The following MAMDC2 variants were observed in gnomAD, a reference collection of about 807,000 sequenced individuals.
MAMDC2 encodes the protein MAM domain-containing protein 2.
A neutral mutation model predicts 89.8 loss-of-function variants in MAMDC2; 57 were observed. The observed-to-expected ratio is 0.63, with a 90% CI of 0.51 to 0.79. The LOEUF (loss-of-function observed/expected upper bound fraction) is 0.79. Ranked by LOEUF, MAMDC2 falls within the 30% of genes least tolerant of loss-of-function variation. The pLI is 0.00. For synonymous variants in MAMDC2, 313 were observed against 293.4 expected, an observed-to-expected ratio of 1.07 and a Z score of -0.68; for missense variants, 800 against 820.6, an observed-to-expected ratio of 0.97 and a Z score of 0.31.
intron 10 of MAMDC2, among the ~76,000 whole-genome samples, chr9:70,169,390 C>T (rs1300023721): frequency 6.6e-6 from 1 of 152,202 alleles, no homozygotes; most frequent in African/African-American, 2.4e-5. Flanking sequence ...ATTACCATTG[C>T]ATCCTACATC....
chr9:70,107,411 G>T (rs905508013), intron 2 of MAMDC2, among the ~76,000 whole-genome samples: 1 of 152,106 alleles, frequency 6.6e-6, no homozygotes, highest in Admixed American at 6.6e-5. Context: ...AGACAGAAGA[G>T]AGGAGGAAAA....
At position 70,218,575 on chromosome 9, in the gene MAMDC2, C is replaced by T; in HGVS notation, c.1890C>T (p.Tyr630=). The part of the protein sequence containing the change: ...SISWLRALIE[Y]SCERQHQIIF... Reference sequence around the variant, plus strand: ...CCTGGCTACGAGCACTGATTGAATACAGCTGTGAGAGGCAACACCAGGTAA... The same window carrying T: ...CCTGGCTACGAGCACTGATTGAATATAGCTGTGAGAGGCAACACCAGGTAA... Residue 630 remains tyrosine (Y), a synonymous_variant, in exon 12 of 14, where the codon TAC becomes TAT. Coordinates refer to ENST00000377182, the MANE Select transcript of MAMDC2 (RefSeq NM_153267.5). The T allele has an allele frequency of 6.2e-7, 1 of 1,611,170 alleles. No individual in the cohort carries two copies. The highest frequency in any genetic ancestry group is 1.1e-5 in the South Asian group (1 of 90,754).
chr9:70,072,841 AT>A (rs201937671), intron 2 of MAMDC2, among the ~76,000 whole-genome samples: 2 of 151,568 alleles, frequency 1.3e-5, no homozygotes, highest in Admixed American at 1.3e-4. Flanking sequence ...TTTTCATTCT[AT>A]TTTTTTTTCT....
rs746209305 is a variant in MAMDC2, at chr9:70,131,502, G to A, written c.901-17G>A. ...AAAATATGTGAACATGTGACAGCAT[G>A]CCATTTTCCTCTGCAGGTTATTTTT... On this transcript the variant is annotated splice_polypyrimidine_tract_variant and intron_variant, in intron 6 of 13. Coordinates refer to ENST00000377182, the MANE Select transcript of MAMDC2 (RefSeq NM_153267.5). 2 of 1,564,198 alleles carry A rather than the reference G, an allele frequency of 1.3e-6. No homozygotes were observed. Among genetic ancestry groups the A allele is most frequent in the African/African-American group, 1.4e-5 (1 of 72,684 alleles).
intron 5 of MAMDC2, 104 bp from the exon 6 acceptor site, chr9:70,126,055 C>T (rs2030521807): frequency 1.6e-6 from 2 of 1,267,944 alleles, no homozygotes; most frequent in Non-Finnish European, 1.1e-6. Flanking sequence ...CCTCACCATT[C>T]CCACTGGATT....
chr9:70,173,203 A>T (rs1429497951), intron 11 of MAMDC2, among the ~76,000 whole-genome samples: 1 of 152,080 alleles, frequency 6.6e-6, no homozygotes, highest in Non-Finnish European at 1.5e-5. Context: ...GCCTTTCAAC[A>T]TTGAATCTAG....
At chr9:70,193,514 T>C (rs573874628) in intron 11 of MAMDC2, among the ~76,000 whole-genome samples, 2 of 152,258 alleles carry the variant, frequency 1.3e-5, no homozygotes, top group South Asian at 2.1e-4. Context: ...ATTTAAGCAA[T>C]GATCATATTA....
Position 70,143,827 on chromosome 9 carries a change from A to G in MAMDC2, c.1404+8A>G. ...AAGCCCATGCCTACCAAGGTACAGC[A>G]GAGCCAATTTCTCCTGTGTCCATGT... On this transcript the variant is annotated splice_region_variant and intron_variant, in intron 9 of 13. Coordinates refer to ENST00000377182, the MANE Select transcript of MAMDC2 (RefSeq NM_153267.5). 1 of 1,611,416 alleles carries G rather than the reference A, an allele frequency of 6.2e-7. No homozygotes were observed.
intron 2 of MAMDC2, among the ~76,000 whole-genome samples, chr9:70,079,085 C>T (rs550765428): frequency 6.6e-6 from 1 of 152,156 alleles, no homozygotes; most frequent in African/African-American, 2.4e-5. Flanking sequence ...GTCTTCACTC[C>T]AGCCTCCCCC....
chr9:70,064,435 T>C (rs1827219000), intron 2 of MAMDC2, among the ~76,000 whole-genome samples: 1 of 152,202 alleles, frequency 6.6e-6, no homozygotes. Flanking sequence ...TTTCACCGGA[T>C]ATATGAATTA....
At chr9:70,196,242 G>A (rs1432667869) in intron 11 of MAMDC2, among the ~76,000 whole-genome samples, 2 of 152,086 alleles carry the variant, frequency 1.3e-5, no homozygotes, top group African/African-American at 2.4e-5. Flanking sequence ...TTCAAGGTGA[G>A]ATTTGGGTGG....
intron 11 of MAMDC2, among the ~76,000 whole-genome samples, chr9:70,200,455 C>A (rs1472867136): frequency 6.6e-6 from 1 of 151,036 alleles, no homozygotes; most frequent in Admixed American, 6.6e-5. Flanking sequence ...GTTACTGTAG[C>A]CTTGTAGTAT....
chr9:70,135,483 A>G (rs1019346589), intron 7 of MAMDC2, among the ~76,000 whole-genome samples: 2 of 151,372 alleles, frequency 1.3e-5, no homozygotes, highest in African/African-American at 4.8e-5. Context: ...ATTTTTTTTT[A>G]TCAGACCTCC....
chr9:70,102,344 C>A (rs2975872), intron 2 of MAMDC2, among the ~76,000 whole-genome samples: 1 of 152,064 alleles, frequency 6.6e-6, no homozygotes, highest in Non-Finnish European at 1.5e-5. Context: ...ACCTGAAGGA[C>A]GGGGCATTCG....
intron 11 of MAMDC2, among the ~76,000 whole-genome samples, chr9:70,184,181 T>A (rs1353514580): frequency 6.6e-6 from 1 of 152,226 alleles, no homozygotes; most frequent in African/African-American, 2.4e-5. Flanking sequence ...TTGAAAATTC[T>A]TTTCTTTAAG....
chr9:70,143,199 G>A (rs112310250), intron 8 of MAMDC2, among the ~76,000 whole-genome samples: 2,052 of 152,272 alleles, frequency 0.013, 27 homozygotes, highest in Non-Finnish European at 0.019. Flanking sequence ...TTCAGTCCTC[G>A]GAATGTACAA....
rs149438841 is a variant in MAMDC2 at position 70,044,594 on chromosome 9, C to G, written c.45C>G (p.Leu15=). 3.1e-5 allele frequency: 48 copies of G among 1,549,992 alleles called. No individual in the cohort carries two copies. Among genetic ancestry groups the G allele is most frequent in the Non-Finnish European group, 4.0e-5 (46 of 1,146,884 alleles). Reference sequence around the variant, plus strand: ...GCTTTGTGCCCGCAGCCCTGCAGCTCGCCGGTGCCCTCGACCTGCCCGCTG... The same window carrying G: ...GCTTTGTGCCCGCAGCCCTGCAGCTGGCCGGTGCCCTCGACCTGCCCGCTG... ...GVLLALQALQ[L]AGALDLPAGS... The change falls in exon 2 of 14, where the codon CTC becomes CTG. Residue 15 remains leucine, a synonymous_variant. Transcript: ENST00000377182.
intron 9 of MAMDC2, among the ~76,000 whole-genome samples, chr9:70,157,090 T>C (rs952631872): frequency 2.6e-5 from 4 of 152,250 alleles, no homozygotes; most frequent in Non-Finnish European, 5.9e-5. Flanking sequence ...GTTTTACTAA[T>C]AAGCTTAATT....
chr9:70,169,363 T>C (rs1036423836), intron 10 of MAMDC2, among the ~76,000 whole-genome samples: 5 of 152,226 alleles, frequency 3.3e-5, no homozygotes, highest in African/African-American at 4.8e-5. Flanking sequence ...ATCCCAATCA[T>C]TGATCTGTAT....
Sources: allele counts gnomAD v4.1 joint callset (sites outside exome capture counted in the v4.1 genomes callset), GRCh38; gene constraint gnomAD v4.1.1; transcripts MANE v1.5; gene names NCBI Gene and HGNC (gene_info 2026-07-23, HGNC 2026-07-21).